Variants in TSHZ3 observed in about 807,000 individuals in gnomAD.
The protein encoded by TSHZ3 is teashirt zinc finger homeobox 3, also known as teashirt homolog 3.
TSHZ3 carries 10 observed loss-of-function variants against 64.5 expected under a neutral mutation model. The observed-to-expected ratio is 0.16, with a 90% CI of 0.10 to 0.26. The LOEUF (loss-of-function observed/expected upper bound fraction) is 0.26, where lower values mean the gene tolerates loss of function less well. TSHZ3 is among the 10% of genes least tolerant of loss of function. The pLI is 1.00. For synonymous variants in TSHZ3, 608 were observed against 593.1 expected (o/e 1.03, Z -0.36); for missense variants, 1,242 against 1,421.7 (o/e 0.87, Z 2.03).
At chr19:31,326,100 T>A (rs536318236) in intron 1 of TSHZ3, among the ~76,000 whole-genome samples, 1 of 152,368 alleles carries the variant, frequency 6.6e-6, no homozygotes, top group South Asian at 2.1e-4. Context: ...AAACTGCAGA[T>A]ATCCAAAGTA....
chr19:31,278,818 G>A lies in TSHZ3; in HGVS notation c.975C>T (p.Ser325=), dbSNP rs1599621008. The stretch of plus-strand genomic sequence containing the variant: ...GGGAGCTGGGGAGCTCCAGCTCCAG[G>A]GAAGCTTTCTTCCGAGTGGCAGGGA... ...KIIPATRKKA[S]LELELPSSPD... is the part of the protein sequence containing the mutation. Residue 325 remains serine (S), a synonymous_variant, in exon 2 of 2, where the codon TCC becomes TCT. Coordinates refer to ENST00000240587, the MANE Select transcript of TSHZ3 (RefSeq NM_020856.4). The surrounding 1 kb of genome is among the most constrained non-coding windows in gnomAD (Gnocchi z 4.7). 6.2e-7 allele frequency: 1 copy of A among 1,614,182 alleles called. No individual in the cohort carries two copies. Among genetic ancestry groups the A allele is most frequent in the Non-Finnish European group, 8.5e-7 (1 of 1,180,028 alleles).
At chr19:31,345,621 C>T (rs1175288517) in intron 1 of TSHZ3, among the ~76,000 whole-genome samples, 1 of 152,198 alleles carries the variant, frequency 6.6e-6, no homozygotes, top group African/African-American at 2.4e-5. Flanking sequence ...CGGAACATTA[C>T]CCCCTTTCAA....
chr19:31,173,162 G>A (rs968018426), intron 5 of TSHZ3, among the ~76,000 whole-genome samples: 3 of 152,324 alleles, frequency 2.0e-5, no homozygotes, highest in South Asian at 2.1e-4. Flanking sequence ...GCCTGGAGGT[G>A]AGGGACCAAG....
intron 1 of TSHZ3, among the ~76,000 whole-genome samples, chr19:31,253,736 G>C (rs1568360454): frequency 6.6e-6 from 1 of 152,112 alleles, no homozygotes; most frequent in Admixed American, 6.5e-5. Context: ...ATATAAGCAT[G>C]GAATGATGAC....
At chr19:31,341,371 G>C (rs1053680905) in intron 1 of TSHZ3, among the ~76,000 whole-genome samples, 4 of 152,230 alleles carry the variant, frequency 2.6e-5, no homozygotes, top group Non-Finnish European at 5.9e-5. Context: ...TCTGGATCCA[G>C]GGTAGGTGCA....
intron 1 of TSHZ3, among the ~76,000 whole-genome samples, chr19:31,245,731 G>A (rs1445159320): frequency 6.6e-6 from 1 of 152,142 alleles, no homozygotes. Context: ...CAAGATAGTT[G>A]CAGTCTCAAG....
chr19:31,330,636 A>G (rs1056068464), intron 1 of TSHZ3, among the ~76,000 whole-genome samples: 2 of 151,132 alleles, frequency 1.3e-5, no homozygotes, highest in African/African-American at 4.9e-5. Flanking sequence ...CTGCTGTGTG[A>G]TCCACACCTC....
intron 1 of TSHZ3, among the ~76,000 whole-genome samples, chr19:31,252,901 T>C (rs1320645963): frequency 6.6e-6 from 1 of 152,204 alleles, no homozygotes; most frequent in Non-Finnish European, 1.5e-5. Flanking sequence ...CACTACTGTG[T>C]CCTCAGTTAT....
chr19:31,350,137 C>A (rs1285976584), upstream of TSHZ3, among the ~76,000 whole-genome samples: 1 of 149,642 alleles, frequency 6.7e-6, no homozygotes, highest in African/African-American at 2.4e-5. Context: ...TCCGGAGCCC[C>A]CAGCGTGGTC....
intron 5 of TSHZ3, among the ~76,000 whole-genome samples, chr19:31,190,606 C>A (rs1220538393): frequency 2.0e-5 from 3 of 151,758 alleles, no homozygotes; most frequent in Non-Finnish European, 4.4e-5. Context: ...AAAATATATT[C>A]TCAACTATGT....
intron 4 of TSHZ3, among the ~76,000 whole-genome samples, chr19:31,214,197 G>A (rs914087682): frequency 6.6e-6 from 1 of 152,170 alleles, no homozygotes; most frequent in Non-Finnish European, 1.5e-5. Flanking sequence ...CGCACTCTCC[G>A]TCATTCATGT....
chr19:31,272,475 T>C (rs1022229767), downstream of TSHZ3, among the ~76,000 whole-genome samples: 1 of 152,152 alleles, frequency 6.6e-6, no homozygotes, highest in Non-Finnish European at 1.5e-5. Flanking sequence ...TTTTGCAGAA[T>C]GAAAATAGAA....
chr19:31,329,895 T>C (rs900099962), intron 1 of TSHZ3, among the ~76,000 whole-genome samples: 1 of 152,174 alleles, frequency 6.6e-6, no homozygotes, highest in Non-Finnish European at 1.5e-5. Flanking sequence ...ATGCCAAAAT[T>C]GTTGTGTGTT....
At chr19:31,306,425 A>G (rs145337220) in intron 1 of TSHZ3, among the ~76,000 whole-genome samples, 1 of 152,324 alleles carries the variant, frequency 6.6e-6, no homozygotes, top group Non-Finnish European at 1.5e-5. Flanking sequence ...CAGTTAATGC[A>G]AAGTGATCGC....
intron 1 of TSHZ3, among the ~76,000 whole-genome samples, chr19:31,287,309 A>G (rs1188714884): frequency 3.9e-5 from 6 of 152,180 alleles, no homozygotes; most frequent in Non-Finnish European, 5.9e-5. Context: ...TTCCCCTGGG[A>G]AGGTGCTTTG....
intron 1 of TSHZ3, among the ~76,000 whole-genome samples, chr19:31,312,980 A>T (rs77088015): frequency 0.045 from 6,886 of 151,964 alleles, 529 homozygotes; most frequent in African/African-American, 0.15. Context: ...CATTTATAGG[A>T]GTGACACACT....
At chr19:31,327,440 A>C (rs1916963255) in intron 1 of TSHZ3, among the ~76,000 whole-genome samples, 1 of 152,252 alleles carries the variant, frequency 6.6e-6, no homozygotes, top group Non-Finnish European at 1.5e-5. Flanking sequence ...TTACTTTTCT[A>C]CATATGAAAG....
intron 1 of TSHZ3, among the ~76,000 whole-genome samples, chr19:31,335,613 A>G (rs1452972846): frequency 6.6e-6 from 1 of 152,246 alleles, no homozygotes; most frequent in Non-Finnish European, 1.5e-5. Flanking sequence ...AAGGCCACCA[A>G]GGAGATTCCG....
intron 1 of TSHZ3, among the ~76,000 whole-genome samples, chr19:31,301,902 AGATACACGTCT>A (rs1976764381): frequency 6.6e-6 from 1 of 152,124 alleles, no homozygotes; most frequent in African/African-American, 2.4e-5. Context: ...ACTGTGTCCC[AGATACACGTCT>A]GATGAAGTGG....
Sources: gnomAD v4.1 joint callset for allele counts (sites outside exome capture counted in the v4.1 genomes callset) on GRCh38, gnomAD v4.1.1 for gene constraint, Gnocchi (gnomAD v3.1) non-coding constraint, MANE v1.5 for transcripts, NCBI Gene and HGNC (gene_info 2026-07-23, HGNC 2026-07-21) for gene names.